MPPED2: variants seen among roughly 807,000 people sequenced by gnomAD.
MPPED2 encodes metallophosphoesterase domain containing 2, also known as metallophosphoesterase MPPED2.
Under a neutral mutation model 33.0 loss-of-function variants are expected in MPPED2, and 5 were observed. The observed-to-expected ratio is 0.15, with a 90% CI of 0.08 to 0.32. The LOEUF is 0.32. Ranked by LOEUF, MPPED2 falls within the 10% of genes least tolerant of loss-of-function variation. The pLI, the probability that MPPED2 is intolerant of heterozygous loss-of-function variation, is 1.00. For missense variants in MPPED2, 275 were observed against 372.1 expected, an observed-to-expected ratio of 0.74 and a Z score of 2.15; for synonymous variants, 136 against 141.9, an observed-to-expected ratio of 0.96 and a Z score of 0.29.
chr11:30,407,974 G>T (rs1191987727), downstream of MPPED2, among the ~76,000 whole-genome samples: 1 of 152,000 alleles, frequency 6.6e-6, no homozygotes, highest in East Asian at 1.9e-4. Flanking sequence ...ACAAAGCATG[G>T]GTGACCTTAT....
chr11:30,459,245 A>G (rs963337147), intron 4 of MPPED2, among the ~76,000 whole-genome samples: 3 of 151,964 alleles, frequency 2.0e-5, no homozygotes, highest in Admixed American at 1.3e-4. Context: ...AGAAATTTAA[A>G]TTTACCCAAA....
At chr11:30,486,318 AT>A (rs374019876) in intron 4 of MPPED2, among the ~76,000 whole-genome samples, 1 of 151,448 alleles carries the variant, frequency 6.6e-6, no homozygotes, top group African/African-American at 2.4e-5. Context: ...AGAGTACAAA[AT>A]AAGTAATCAG....
chr11:30,561,701 C>T (rs1590866138), intron 2 of MPPED2, among the ~76,000 whole-genome samples: 2 of 152,260 alleles, frequency 1.3e-5, no homozygotes, highest in East Asian at 3.9e-4. Flanking sequence ...ATACCTTACA[C>T]CTGCCACCCC....
rs563374879 is a variant in MPPED2, at chr11:30,585,367, A to G, written c.-122+675T>C. On this transcript the variant is annotated intron_variant, in intron 1 of 6. Transcript: ENST00000358117. Reference sequence around the variant, plus strand: ...GGGGACGGGGTGAGAAAGAGCCCCGAGCGAGAGCGGCGCGCGCGGGCGGCC... The same window carrying G: ...GGGGACGGGGTGAGAAAGAGCCCCGGGCGAGAGCGGCGCGCGCGGGCGGCC... Among the ~76,000 whole-genome samples the G allele has an allele frequency of 2.2e-4, 33 of 151,806 alleles. 1 individual carries two copies. Among genetic ancestry groups the G allele is most frequent in the African/African-American group, 8.0e-4 (33 of 41,426 alleles).
intron 4 of MPPED2, among the ~76,000 whole-genome samples, chr11:30,458,914 CTTTTTTTTT>C (rs71060450): frequency 2.2e-4 from 14 of 64,540 alleles, no homozygotes; most frequent in East Asian, 8.9e-4. Context: ...TTGCACAGTT[CTTTTTTTTT>C]TTTTTTTTTT....
rs150565305 is a variant in MPPED2, at chr11:30,445,398, A to C, written c.537-27765T>G. Among the ~76,000 whole-genome samples the C allele has an allele frequency of 9.7e-3, 1,480 of 152,354 alleles. 68 individuals carry two copies. Among genetic ancestry groups the C allele is most frequent in the Admixed American group, 0.075 (1,153 of 15,304 alleles). On this transcript the variant is annotated intron_variant, in intron 4 of 6. Transcript: ENST00000358117. ...CATTCTATTGTTAGACTGGTATTCA[A>C]GGGATTTGCATTCCAGTCTAGTTGT...
intron 6 of MPPED2, among the ~76,000 whole-genome samples, chr11:30,413,912 T>C (rs1039150827): frequency 1.3e-5 from 2 of 152,128 alleles, no homozygotes; most frequent in African/African-American, 2.4e-5. Flanking sequence ...CTTGTATACC[T>C]TGGGGTTGCT....
chr11:30,447,560 G>C (rs1014314955), intron 4 of MPPED2, among the ~76,000 whole-genome samples: 8 of 152,152 alleles, frequency 5.3e-5, no homozygotes, highest in African/African-American at 1.9e-4. Context: ...AAAGTGTGGG[G>C]TGTCAAGAAG....
chr11:30,551,210 T>A (rs1955694419), intron 2 of MPPED2, among the ~76,000 whole-genome samples: 1 of 152,152 alleles, frequency 6.6e-6, no homozygotes, highest in Non-Finnish European at 1.5e-5. Flanking sequence ...TGAACACTAT[T>A]CCCACGCTTA....
intron 2 of MPPED2, among the ~76,000 whole-genome samples, chr11:30,541,441 T>G (rs532078772): frequency 6.6e-6 from 1 of 152,214 alleles, no homozygotes; most frequent in Non-Finnish European, 1.5e-5. Flanking sequence ...CTTTAGACCA[T>G]GTGTGCAGTA....
intron 4 of MPPED2, among the ~76,000 whole-genome samples, chr11:30,482,037 G>A (rs1228847129): frequency 6.6e-6 from 1 of 151,964 alleles, no homozygotes; most frequent in Non-Finnish European, 1.5e-5. Context: ...TGAAGGACAG[G>A]GTTAATTTCC....
chr11:30,424,947 C>A (rs955130288), intron 4 of MPPED2, among the ~76,000 whole-genome samples: 2 of 152,242 alleles, frequency 1.3e-5, no homozygotes, highest in Admixed American at 6.5e-5. Flanking sequence ...GGAAGCCTGG[C>A]TAGCCCAAAC....
downstream of MPPED2, among the ~76,000 whole-genome samples, chr11:30,405,371 A>G (rs1054200958): frequency 6.6e-6 from 1 of 152,208 alleles, no homozygotes; most frequent in Non-Finnish European, 1.5e-5. Flanking sequence ...GGCTTCATAA[A>G]AATCAAAGCT....
chr11:30,535,114 C>T lies in MPPED2; in HGVS notation c.310+880G>A, dbSNP rs141296045. Among the ~76,000 whole-genome samples the T allele has an allele frequency of 2.9e-3, 446 of 152,226 alleles. 2 individuals carry two copies. Among genetic ancestry groups the T allele is most frequent in the African/African-American group, 9.9e-3 (412 of 41,518 alleles). On this transcript the variant is annotated intron_variant, in intron 3 of 6. Coordinates refer to ENST00000358117, the MANE Select transcript of MPPED2 (RefSeq NM_001584.3). ...CTAAAATATCATCTTTCCACTAACACGTCTTATCATTTAATCGAAAATTTA... is the reference window on the plus strand; with the variant it reads ...CTAAAATATCATCTTTCCACTAACATGTCTTATCATTTAATCGAAAATTTA...
chr11:30,570,798 C>G (rs368775820), intron 2 of MPPED2, among the ~76,000 whole-genome samples: 1 of 152,174 alleles, frequency 6.6e-6, no homozygotes, highest in Admixed American at 6.5e-5. Context: ...AGGTTTGAAA[C>G]TTGGTCCTTG....
chr11:30,563,328 A>G (rs1032823362), intron 2 of MPPED2, among the ~76,000 whole-genome samples: 10 of 152,110 alleles, frequency 6.6e-5, no homozygotes, highest in Admixed American at 2.6e-4. Context: ...AGATTCTCAT[A>G]AGGAGTAAGC....
At chr11:30,574,362 G>A (rs956110934) in intron 2 of MPPED2, among the ~76,000 whole-genome samples, 1 of 152,158 alleles carries the variant, frequency 6.6e-6, no homozygotes, top group African/African-American at 2.4e-5. Flanking sequence ...TTGTAGACTA[G>A]GAGCAATAGG....
chr11:30,494,603 T>C (rs1030762487), intron 4 of MPPED2, among the ~76,000 whole-genome samples: 7 of 151,322 alleles, frequency 4.6e-5, no homozygotes, highest in Non-Finnish European at 1.0e-4. Flanking sequence ...CCGGGTACAG[T>C]GGCATGTGCC....
At chr11:30,426,146 T>A (rs557198246) in intron 4 of MPPED2, among the ~76,000 whole-genome samples, 1 of 152,278 alleles carries the variant, frequency 6.6e-6, no homozygotes, top group South Asian at 2.1e-4. Flanking sequence ...TCTATACACA[T>A]TTAACACTAA....
Sources: allele counts gnomAD v4.1 joint callset (sites outside exome capture counted in the v4.1 genomes callset), GRCh38; gene constraint gnomAD v4.1.1; transcripts MANE v1.5; gene names NCBI Gene and HGNC (gene_info 2026-07-23, HGNC 2026-07-21).